The following ZNF280B variants were observed in gnomAD, a reference collection of about 807,000 sequenced individuals.
ZNF280B encodes suppressor of hairy wing homolog 2.
ZNF280B carries 16 observed loss-of-function variants against 38.0 expected under a neutral mutation model. The observed-to-expected ratio is 0.42, with a 90% CI of 0.28 to 0.64. The LOEUF is 0.64. Ranked by LOEUF, ZNF280B falls within the 30% of genes least tolerant of loss-of-function variation. The pLI is 0.21. For synonymous variants in ZNF280B, 253 were observed against 230.6 expected (o/e 1.10, Z -0.88); for missense variants, 581 against 639.6 (o/e 0.91, Z 0.99).
intron 2 of ZNF280B, among the ~76,000 whole-genome samples, chr22:22,496,588 T>C (rs866042714): frequency 2.5e-4 from 38 of 151,928 alleles, no homozygotes; most frequent in African/African-American, 7.3e-4. Context: ...GATCTCTGTT[T>C]AATGGGCATT....
At position 22,488,457 on chromosome 22, in the gene ZNF280B, T is replaced by C. The variant is rs2061532519; in HGVS notation, c.942A>G (p.Lys314=). Reference sequence around the variant, plus strand: ...TCATAAACTTAACATTTTTTAGAACTTTCACGCAGCTGAGGCATTTAAAGG... The same window carrying C: ...TCATAAACTTAACATTTTTTAGAACCTTCACGCAGCTGAGGCATTTAAAGG... ...HTTFKCLSCV[K]VLKNVKFMNH... is the part of the protein sequence containing the mutation. The change falls in exon 4 of 4, where the codon AAA becomes AAG. Residue 314 remains lysine (K), a synonymous_variant. Transcript: ENST00000626650. 1 of 1,613,890 alleles carries C rather than the reference T, an allele frequency of 6.2e-7. No individual in the cohort carries two copies. The highest frequency in any genetic ancestry group is 8.5e-7 in the Non-Finnish European group (1 of 1,179,974).
chr22:22,506,020 G>A (rs897732301), intron 2 of ZNF280B, among the ~76,000 whole-genome samples: 29 of 151,110 alleles, frequency 1.9e-4, no homozygotes, highest in African/African-American at 6.3e-4. Context: ...CTAAGAAGTC[G>A]GACTCTAGAT....
In ZNF280B at chr22:22,489,406, T is replaced by C; in HGVS notation, c.-8A>G. On this transcript the variant is annotated 5_prime_UTR_variant, in exon 4 of 4. Coordinates refer to ENST00000626650, the MANE Select transcript of ZNF280B (RefSeq NM_080764.4). ...CTCACATGATTGTTCCATTTTCTAA[T>C]TTTTTTATTCCTGAATGGTGGGGCC... 1.9e-6 allele frequency: 3 copies of C among 1,577,464 alleles called. No individual in the cohort carries two copies. Among genetic ancestry groups the C allele is most frequent in the Non-Finnish European group, 2.6e-6 (3 of 1,166,526 alleles).
rs776912685 is a variant in ZNF280B at position 22,489,222 on chromosome 22, G to A, written c.177C>T (p.Asn59=). The change falls in exon 4 of 4, where the codon AAC becomes AAT. Residue 59 remains asparagine, a synonymous_variant. Transcript: ENST00000626650. The stretch of plus-strand genomic sequence containing the variant: ...AACCCGGGGTGACTCTGTTCAAAAT[G>A]TTTGAAACGACTGGTTTTGAATTTG... ...VTSNSKPVVS[N]ILNRVTPGSW... 8 of 1,613,578 alleles carry A rather than the reference G, an allele frequency of 5.0e-6. No homozygotes were observed. In the East Asian group the frequency reaches 1.1e-4, roughly 23 times the overall value.
Position 22,488,640 on chromosome 22 carries a change from A to G in ZNF280B, c.759T>C (p.Leu253=). 6.2e-7 allele frequency: 1 copy of G among 1,613,822 alleles called. No homozygotes were observed. The highest frequency in any genetic ancestry group is 1.3e-5 in the African/African-American group (1 of 74,972). ...TTTTTGCCAATTCATTTGCCCTATC[A>G]AGATTTGTATTTATAGGCTTGAAAT... ...NIHFKPINTN[L]DRANELAKTD... Residue 253 remains leucine, a synonymous_variant, in exon 4 of 4, where the codon CTT becomes CTC. Transcript: ENST00000626650.
In ZNF280B at chr22:22,487,503, CT is replaced by C. The variant is rs60596189; in HGVS notation, c.*263del. 2 of 279,472 alleles carry C rather than the reference CT, an allele frequency of 7.2e-6. No homozygotes were observed. Among genetic ancestry groups the C allele is most frequent in the Non-Finnish European group, 1.3e-5 (2 of 154,558 alleles). 17.3% of individuals were successfully genotyped at this position (279,472 alleles called of 1,614,324 possible). A position where few individuals can be genotyped will look rare whatever the true frequency, so the allele number is the denominator to read the frequency against. On this transcript the variant is annotated 3_prime_UTR_variant, in exon 4 of 4. Coordinates refer to ENST00000626650, the MANE Select transcript of ZNF280B (RefSeq NM_080764.4). ...TAAAATTAAAAAAATAAATTAATACCTTTTTCTCTCTCTCACACACACACAC... is the reference window on the plus strand; with the variant it reads ...TAAAATTAAAAAAATAAATTAATACCTTTTCTCTCTCTCACACACACACAC...
At chr22:22,504,890 C>T (rs1419219233) in intron 2 of ZNF280B, among the ~76,000 whole-genome samples, 1 of 151,954 alleles carries the variant, frequency 6.6e-6, no homozygotes, top group Non-Finnish European at 1.5e-5. Context: ...GGTGGGCCAA[C>T]AAGGTGCCAT....
At position 22,498,036 on chromosome 22, in the gene ZNF280B, G is replaced by A. The variant is rs541600593; in HGVS notation, c.-186-3856C>T. ...ATGTTTATTCAGCCATAAAAGAAAC[G>A]ACATACTGATACATGCTACAACAGG... On this transcript the variant is annotated intron_variant, in intron 2 of 3. Coordinates refer to ENST00000626650, the MANE Select transcript of ZNF280B (RefSeq NM_080764.4). Among the ~76,000 whole-genome samples the A allele has an allele frequency of 9.2e-5, 14 of 151,958 alleles. 1 individual carries two copies. The South Asian group carries it at 2.7e-3, about 29-fold the overall frequency.
Position 22,501,700 on chromosome 22 carries a change from A to G in ZNF280B, c.-187+6110T>C, listed in dbSNP as rs925241917. 4.0e-4 allele frequency among the ~76,000 whole-genome samples: 61 copies of G among 151,646 alleles called. 1 individual carries two copies. The highest frequency in any genetic ancestry group is 1.4e-3 in the African/African-American group (56 of 41,368). On this transcript the variant is annotated intron_variant, in intron 2 of 3. Transcript: ENST00000626650. Reference sequence around the variant, plus strand: ...GAAGATCAGTCCAAGCAATGTAGTGAGACCCCTTCTCTACAAAAAATTTAA... The same window carrying G: ...GAAGATCAGTCCAAGCAATGTAGTGGGACCCCTTCTCTACAAAAAATTTAA...
At position 22,486,964 on chromosome 22, in the gene ZNF280B, A is replaced by G. The variant is rs1169643107; in HGVS notation, c.*803T>C. 1 of 152,006 alleles carries G rather than the reference A, an allele frequency of 6.6e-6. No individual in the cohort carries two copies. The highest frequency in any genetic ancestry group is 1.5e-5 in the Non-Finnish European group (1 of 68,032). The allele number at this position is 152,006 out of a possible 1,614,324, so 9.4% of individuals were successfully genotyped here. A position where few individuals can be genotyped will look rare whatever the true frequency, so the allele number is the denominator to read the frequency against. ...TATTTTATGCCAGCACAGCAGAGGC[A>G]CTTCTGGGAATTCGGCAGCAAGTGG... On this transcript the variant is annotated 3_prime_UTR_variant, in exon 4 of 4. Coordinates refer to ENST00000626650, the MANE Select transcript of ZNF280B (RefSeq NM_080764.4).
rs1227165934 is a variant in ZNF280B, at chr22:22,487,718, T to C, written c.*49A>G. 2 of 1,494,400 alleles carry C rather than the reference T, an allele frequency of 1.3e-6. No individual in the cohort carries two copies. The highest frequency in any genetic ancestry group is 1.4e-5 in the African/African-American group (1 of 71,058). The allele number at this position is 1,494,400 out of a possible 1,614,324, so 92.6% of individuals were successfully genotyped here. ...GGTTTGTATTTTTTGTTTTATGAGG[T>C]TTTTTAATTTGGTTTGAAATACTTG... On this transcript the variant is annotated 3_prime_UTR_variant, in exon 4 of 4. Coordinates refer to ENST00000626650, the MANE Select transcript of ZNF280B (RefSeq NM_080764.4).
chr22:22,495,584 GT>G (rs1284405617), intron 2 of ZNF280B, among the ~76,000 whole-genome samples: 10 of 151,918 alleles, frequency 6.6e-5, no homozygotes, highest in African/African-American at 2.2e-4. Flanking sequence ...TTTACGTAGT[GT>G]AGTCAGAGTA....
At chr22:22,503,792 A>G (rs921351971) in intron 2 of ZNF280B, among the ~76,000 whole-genome samples, 2 of 151,974 alleles carry the variant, frequency 1.3e-5, no homozygotes, top group African/African-American at 4.8e-5. Context: ...AGTTTAGATG[A>G]TAAATTACAT....
chr22:22,491,519 C>T (rs1040760436), intron 3 of ZNF280B, among the ~76,000 whole-genome samples: 44 of 143,780 alleles, frequency 3.1e-4, no homozygotes, highest in African/African-American at 1.0e-3. Flanking sequence ...AGTACAGTGG[C>T]GCAATCTCAG....
chr22:22,487,621 T>A lies in ZNF280B; in HGVS notation c.*146A>T. 4.8e-6 allele frequency: 3 copies of A among 625,554 alleles called. No individual in the cohort carries two copies. The highest frequency in any genetic ancestry group is 7.9e-6 in the Non-Finnish European group (3 of 380,054). 38.8% of individuals were successfully genotyped at this position (625,554 alleles called of 1,614,324 possible). ...CAAAATTCAGATCAAATAATATATA[T>A]CCTGAATCTTGTTTAAAAAGTCATA... On this transcript the variant is annotated 3_prime_UTR_variant, in exon 4 of 4. Transcript: ENST00000626650.
At position 22,488,822 on chromosome 22, in the gene ZNF280B, C is replaced by T; in HGVS notation, c.577G>A (p.Gly193Arg). 2 of 1,613,790 alleles carry T rather than the reference C, an allele frequency of 1.2e-6. No individual in the cohort carries two copies. The highest frequency in any genetic ancestry group is 1.7e-6 in the Non-Finnish European group (2 of 1,179,954). Residue 193 changes from glycine (G) to arginine (R), a missense_variant, in exon 4 of 4, where the codon GGA becomes AGA. Coordinates refer to ENST00000626650, the MANE Select transcript of ZNF280B (RefSeq NM_080764.4). ...GCTGAAGAATTTCCTTCTATAATTC[C>T]ATCCCTGAGTTTAGCCCTTTTGGGA... The part of the protein sequence containing the change: ...INPKRAKLRD[G>R]IIEGNSSASF...
chr22:22,506,736 C>T (rs1376831301), intron 2 of ZNF280B, among the ~76,000 whole-genome samples: 1 of 151,836 alleles, frequency 6.6e-6, no homozygotes, highest in African/African-American at 2.4e-5. Context: ...AGAATAATAT[C>T]CTTAAATAAA....
chr22:22,501,749 C>A (rs796267480), intron 2 of ZNF280B, among the ~76,000 whole-genome samples: 22 of 151,636 alleles, frequency 1.5e-4, no homozygotes, highest in African/African-American at 5.3e-4. Flanking sequence ...GTGGCTCATA[C>A]CTGTAATCCC....
rs750563693 is a variant in ZNF280B, at chr22:22,489,430, C to T, written c.-32G>A. On this transcript the variant is annotated 5_prime_UTR_variant, in exon 4 of 4. Transcript: ENST00000626650. ...ATTTTTTTATTCCTGAATGGTGGGGCCACAAGTCCCAATGCTTCCTTTATA... is the reference window on the plus strand; with the variant it reads ...ATTTTTTTATTCCTGAATGGTGGGGTCACAAGTCCCAATGCTTCCTTTATA... 4 of 1,550,388 alleles carry T rather than the reference C, an allele frequency of 2.6e-6. No homozygotes were observed. Among genetic ancestry groups the T allele is most frequent in the South Asian group, 1.3e-5 (1 of 78,838 alleles).
Sources: gnomAD v4.1 joint callset for allele counts (sites outside exome capture counted in the v4.1 genomes callset) on GRCh38, gnomAD v4.1.1 for gene constraint, MANE v1.5 for transcripts, NCBI Gene and HGNC (gene_info 2026-07-23, HGNC 2026-07-21) for gene names.